The following DOCK2 variants were observed in gnomAD, a reference collection of about 807,000 sequenced individuals.
DOCK2 encodes the protein dedicator of cytokinesis 2.
DOCK2 carries 87 observed loss-of-function variants against 248.9 expected under a neutral mutation model. The ratio of observed to expected loss-of-function variants is 0.35; its 90% CI spans 0.29 to 0.42. The LOEUF (loss-of-function observed/expected upper bound fraction) is 0.42, where lower values mean the gene tolerates loss of function less well. Among genes scored for constraint, DOCK2 ranks in the 10% least tolerant of loss-of-function variants. The pLI is 1.00. For missense variants in DOCK2, 1,747 were observed against 2,300.2 expected, an observed-to-expected ratio of 0.76 and a Z score of 4.92; for synonymous variants, 805 against 821.6, an observed-to-expected ratio of 0.98 and a Z score of 0.35.
At chr5:169,909,973 C>T (rs934993372) in intron 27 of DOCK2, among the ~76,000 whole-genome samples, 4 of 152,166 alleles carry the variant, frequency 2.6e-5, no homozygotes, top group African/African-American at 9.7e-5. Context: ...TCAAATTCTG[C>T]ACCAGCATTT....
intron 23 of DOCK2, among the ~76,000 whole-genome samples, chr5:169,753,363 C>A (rs55868866): frequency 1.9e-4 from 29 of 149,860 alleles, no homozygotes; most frequent in Middle Eastern, 6.8e-3. Context: ...CTCACCCCCC[C>A]CCACCCCCTG....
chr5:169,641,320 G>A (rs1757138891), intron 1 of DOCK2, among the ~76,000 whole-genome samples: 1 of 152,188 alleles, frequency 6.6e-6, no homozygotes, highest in Non-Finnish European at 1.5e-5. Flanking sequence ...AAGCAGAGAA[G>A]GGATCTTTTT....
chr5:169,944,071 G>A (rs1407218159), intron 27 of DOCK2, among the ~76,000 whole-genome samples: 2 of 152,184 alleles, frequency 1.3e-5, no homozygotes, highest in Non-Finnish European at 2.9e-5. Flanking sequence ...GCCAGGACCG[G>A]GGTAAGCACT....
chr5:169,802,001 C>A (rs558357203), intron 25 of DOCK2, among the ~76,000 whole-genome samples: 1 of 151,482 alleles, frequency 6.6e-6, no homozygotes, highest in African/African-American at 2.4e-5. Context: ...GCATCTGAGT[C>A]GGGGCAGCTT....
intron 27 of DOCK2, among the ~76,000 whole-genome samples, chr5:169,919,886 T>C (rs1189115685): frequency 6.6e-6 from 1 of 152,202 alleles, no homozygotes; most frequent in African/African-American, 2.4e-5. Context: ...AGATTAGTAT[T>C]AGTGGAAAGG....
At chr5:169,699,912 T>G in intron 12 of DOCK2, 102 bp from the exon 13 acceptor site, 1 of 1,537,764 alleles carries the variant, frequency 6.5e-7, no homozygotes, top group Middle Eastern at 2.2e-4. Context: ...ATGACTCTGT[T>G]CCCAGTGATC....
intron 39 of DOCK2, among the ~76,000 whole-genome samples, 161 bp from the exon 40 acceptor site, chr5:170,047,349 G>A (rs870247): frequency 0.014 from 2,087 of 152,272 alleles, 25 homozygotes; most frequent in East Asian, 0.049. Flanking sequence ...TGTAAATATA[G>A]CTATTACTAT....
At chr5:169,644,611 C>A (rs1337187423) in intron 1 of DOCK2, among the ~76,000 whole-genome samples, 1 of 151,712 alleles carries the variant, frequency 6.6e-6, no homozygotes, top group Admixed American at 6.6e-5. Context: ...ACCTTTTGTA[C>A]CACGGTACTT....
intron 27 of DOCK2, among the ~76,000 whole-genome samples, chr5:169,855,633 AT>A (rs1561767270): frequency 6.6e-6 from 1 of 152,220 alleles, no homozygotes; most frequent in Non-Finnish European, 1.5e-5. Flanking sequence ...GTAAGAGAAC[AT>A]AGATGTTGAA....
chr5:169,802,083 G>A (rs902863266), intron 25 of DOCK2, among the ~76,000 whole-genome samples: 3 of 151,926 alleles, frequency 2.0e-5, no homozygotes, highest in African/African-American at 7.3e-5. Flanking sequence ...ACAAAGCTGC[G>A]AAGGGCTTCA....
intron 27 of DOCK2, among the ~76,000 whole-genome samples, chr5:169,887,027 T>C (rs1467872949): frequency 6.6e-6 from 1 of 152,194 alleles, no homozygotes; most frequent in Non-Finnish European, 1.5e-5. Context: ...AAGATGAATA[T>C]ATTTATACCA....
At chr5:170,080,314 A>T (rs374714482) in intron 50 of DOCK2, 31 bp downstream of exon 50, 18 of 1,612,812 alleles carry the variant, frequency 1.1e-5, no homozygotes, top group African/African-American at 2.7e-5. Flanking sequence ...AGCATGAGGG[A>T]GTAGAGATAG....
chr5:169,891,941 A>G (rs369208830), intron 27 of DOCK2, among the ~76,000 whole-genome samples: 47 of 150,358 alleles, frequency 3.1e-4, no homozygotes, highest in African/African-American at 1.1e-3. Context: ...GGTTGCAGTG[A>G]GCCGAGATTG....
intron 26 of DOCK2, among the ~76,000 whole-genome samples, chr5:169,807,700 G>A (rs927234081): frequency 3.3e-5 from 5 of 151,702 alleles, no homozygotes; most frequent in African/African-American, 1.2e-4. Flanking sequence ...TGGGCGTGGT[G>A]GTGGGCGCCT....
intron 23 of DOCK2, among the ~76,000 whole-genome samples, chr5:169,756,043 C>T (rs1406530396): frequency 6.6e-6 from 1 of 152,230 alleles, no homozygotes; most frequent in Non-Finnish European, 1.5e-5. Flanking sequence ...AGGCCTGCCA[C>T]TTCTCTGTGA....
intron 27 of DOCK2, among the ~76,000 whole-genome samples, chr5:169,867,268 C>T (rs1771626445): frequency 6.6e-6 from 1 of 152,164 alleles, no homozygotes; most frequent in South Asian, 2.1e-4. Flanking sequence ...AGGCAGGTGA[C>T]AGGAGGACAG....
intron 27 of DOCK2, among the ~76,000 whole-genome samples, chr5:169,907,457 T>G (rs1357125714): frequency 6.6e-6 from 1 of 152,228 alleles, no homozygotes; most frequent in Non-Finnish European, 1.5e-5. Context: ...AGCTAAAATC[T>G]GTGGCTTGTT....
At chr5:169,647,927 C>G (rs753673654) in intron 1 of DOCK2, among the ~76,000 whole-genome samples, 7 of 152,178 alleles carry the variant, frequency 4.6e-5, no homozygotes, top group African/African-American at 1.7e-4. Flanking sequence ...GGAGCCACCC[C>G]CTTTCACCCC....
rs569345670 is a variant in DOCK2, at chr5:169,998,911, C to A, written c.3072+2747C>A. Among the ~76,000 whole-genome samples the A allele has an allele frequency of 9.2e-5, 14 of 152,288 alleles. 1 individual carries two copies. In the South Asian group the frequency reaches 2.9e-3, roughly 32 times the overall value. On this transcript the variant is annotated intron_variant, in intron 30 of 51. Transcript: ENST00000520908. ...AATGTGGCTGAGAGGCCTGCAGGCTCTGGTCATGGGTATGTTTAGGGAAGT... is the reference window on the plus strand; with the variant it reads ...AATGTGGCTGAGAGGCCTGCAGGCTATGGTCATGGGTATGTTTAGGGAAGT...
Sources: gnomAD v4.1 joint callset for allele counts (sites outside exome capture counted in the v4.1 genomes callset) on GRCh38, gnomAD v4.1.1 for gene constraint, MANE v1.5 for transcripts, NCBI Gene and HGNC (gene_info 2026-07-23, HGNC 2026-07-21) for gene names.